The following ASTN1 variants were observed in gnomAD, a reference collection of about 807,000 sequenced individuals.
The protein encoded by ASTN1 is astrotactin-1.
Under a neutral mutation model 140.7 loss-of-function variants are expected in ASTN1, and 41 were observed. That is an observed-to-expected ratio of 0.29 (90% confidence interval 0.23 to 0.38). The LOEUF (loss-of-function observed/expected upper bound fraction) is 0.38. Ranked by LOEUF, ASTN1 falls within the 10% of genes least tolerant of loss-of-function variation. The pLI is 1.00. For missense variants in ASTN1, 1,479 were observed against 1,678.8 expected, an observed-to-expected ratio of 0.88 and a Z score of 2.08; for synonymous variants, 640 against 652.2, an observed-to-expected ratio of 0.98 and a Z score of 0.29.
chr1:177,061,120 C>A lies in ASTN1; in HGVS notation c.429G>T (p.Glu143Asp), dbSNP rs966805488. The A allele has an allele frequency of 1.2e-6, 2 of 1,611,184 alleles. No individual in the cohort carries two copies. The highest frequency in any genetic ancestry group is 1.7e-6 in the Non-Finnish European group (2 of 1,178,688). ...GGATCCTCAGCTCCTCTTCTGCCGA[C>A]TCATGTTGGGGTTCTTCAGTGGGGT... Reference protein sequence around the residue: ...GQDPTEEPQHESAEEELRILH... With the variant: ...GQDPTEEPQHDSAEEELRILH... The change falls in exon 2 of 23, where the codon GAG becomes GAT. Residue 143 changes from glutamate (E) to aspartate (D), a missense_variant. Glu to Asp is a conservative substitution (Grantham distance 45). Transcript: ENST00000361833.
At chr1:177,104,492 G>C (rs191891808) in intron 1 of ASTN1, among the ~76,000 whole-genome samples, 1 of 152,184 alleles carries the variant, frequency 6.6e-6, no homozygotes, top group Admixed American at 6.5e-5. Flanking sequence ...ATGTGTTTGT[G>C]CTGTGACGCA....
rs866062772 is a variant in ASTN1 at position 177,164,444 on chromosome 1, A to G, written c.233T>C (p.Met78Thr). Residue 78 changes from methionine (M) to threonine (T), a missense_variant, in exon 1 of 23, where the codon ATG becomes ACG. Met to Thr is a moderately conservative substitution (Grantham distance 81). Around this residue, in one of 3 missense-constraint regions of ASTN1, gnomAD observed 729 missense variants for 860.4 expected, o/e 0.85. Transcript: ENST00000361833. The part of the protein sequence containing the change: ...FSVRNDFPGE[M>T]VVVDDLENTE... ...GTTCTCCAGGTCGTCCACCACGACC[A>G]TTTCTCCCGGGAAGTCGTTGCGCAC... is the stretch of plus-strand genomic sequence containing the variant. 5.0e-6 allele frequency: 8 copies of G among 1,613,422 alleles called. No homozygotes were observed. The Middle Eastern group carries it at 1.3e-3, about 266-fold the overall frequency.
intron 1 of ASTN1, among the ~76,000 whole-genome samples, chr1:177,146,097 A>G (rs1481198808): frequency 6.6e-6 from 1 of 152,192 alleles, no homozygotes; most frequent in East Asian, 1.9e-4. Context: ...CATATATTTT[A>G]TTAAAAAAAA....
At chr1:176,926,834 G>A (rs1216111695) in intron 16 of ASTN1, among the ~76,000 whole-genome samples, 1 of 152,176 alleles carries the variant, frequency 6.6e-6, no homozygotes, top group Admixed American at 6.5e-5. Flanking sequence ...TTACAATGAA[G>A]CAAGTTAGCC....
chr1:176,907,067 A>G (rs1238372477), intron 16 of ASTN1, among the ~76,000 whole-genome samples: 1 of 152,160 alleles, frequency 6.6e-6, no homozygotes, highest in Non-Finnish European at 1.5e-5. Flanking sequence ...GAGCAGAGGG[A>G]ACATTCCAGA....
At chr1:177,151,404 T>C (rs539897645) in intron 1 of ASTN1, among the ~76,000 whole-genome samples, 5 of 151,574 alleles carry the variant, frequency 3.3e-5, no homozygotes, top group African/African-American at 1.2e-4. Flanking sequence ...AAGGGATGTG[T>C]GCAACTTTTG....
intron 20 of ASTN1, among the ~76,000 whole-genome samples, chr1:176,878,846 G>A (rs1028932009): frequency 6.6e-6 from 1 of 152,150 alleles, no homozygotes; most frequent in Admixed American, 6.5e-5. Flanking sequence ...AGTAGCAAGT[G>A]AGAAAGCCCC....
At chr1:176,916,690 T>C (rs1415011477) in intron 16 of ASTN1, among the ~76,000 whole-genome samples, 1 of 152,184 alleles carries the variant, frequency 6.6e-6, no homozygotes, top group Non-Finnish European at 1.5e-5. Context: ...AGCTCCCACC[T>C]GGTTTACTCC....
chr1:176,965,030 T>G, intron 9 of ASTN1, 133 bp downstream of exon 9: 1 of 808,022 alleles, frequency 1.2e-6, no homozygotes, highest in Non-Finnish European at 2.1e-6. Context: ...GGCAAACACT[T>G]TTGTTAGCAG....
At chr1:177,057,068 A>G (rs1677842584) in intron 2 of ASTN1, among the ~76,000 whole-genome samples, 1 of 152,248 alleles carries the variant, frequency 6.6e-6, no homozygotes, top group South Asian at 2.1e-4. Flanking sequence ...TGAATCATGC[A>G]AGGAGGTTAA....
chr1:176,864,711 G>T (rs893404892), intron 22 of ASTN1, among the ~76,000 whole-genome samples, 190 bp from the exon 23 acceptor site: 1 of 152,164 alleles, frequency 6.6e-6, no homozygotes, highest in Non-Finnish European at 1.5e-5. Context: ...ATGAATAAAT[G>T]AATGAATGAA....
chr1:177,157,357 C>G (rs1364036614), intron 1 of ASTN1, among the ~76,000 whole-genome samples: 1 of 151,982 alleles, frequency 6.6e-6, no homozygotes. Flanking sequence ...ACTCTGTTAC[C>G]CAGGCCAGAA....
chr1:176,914,510 G>A (rs1043482370), intron 16 of ASTN1, among the ~76,000 whole-genome samples: 2 of 152,158 alleles, frequency 1.3e-5, no homozygotes, highest in Non-Finnish European at 2.9e-5. Context: ...TAAAGAATAA[G>A]CATTAATTTA....
chr1:176,986,873 C>T (rs531892863), intron 8 of ASTN1, among the ~76,000 whole-genome samples: 13 of 152,228 alleles, frequency 8.5e-5, no homozygotes, highest in African/African-American at 3.1e-4. Context: ...ATGTTAAGTA[C>T]TATATAAGTA....
chr1:177,120,071 T>C (rs964233618), intron 1 of ASTN1, among the ~76,000 whole-genome samples: 4 of 152,200 alleles, frequency 2.6e-5, no homozygotes, highest in Admixed American at 1.3e-4. Flanking sequence ...CATGTTTATT[T>C]GTTCCACTCT....
At chr1:176,966,066 A>C in intron 8 of ASTN1, among the ~76,000 whole-genome samples, 1 of 152,194 alleles carries the variant, frequency 6.6e-6, no homozygotes, top group East Asian at 1.9e-4. Flanking sequence ...CTTAGCAAAG[A>C]CCAGATCTTG....
intron 18 of ASTN1, among the ~76,000 whole-genome samples, chr1:176,884,877 C>G (rs1311524026): frequency 6.6e-6 from 1 of 152,092 alleles, no homozygotes; most frequent in Non-Finnish European, 1.5e-5. Flanking sequence ...TGTGTGTATA[C>G]TGCTCATATA....
At chr1:176,872,465 T>C (rs529360043) in intron 21 of ASTN1, among the ~76,000 whole-genome samples, 63 of 152,244 alleles carry the variant, frequency 4.1e-4, no homozygotes, top group Admixed American at 3.0e-3. Context: ...GTTCCTCCTT[T>C]CACAGCCTCT....
intron 2 of ASTN1, among the ~76,000 whole-genome samples, chr1:177,058,597 A>G (rs982304868): frequency 2.0e-5 from 3 of 152,152 alleles, no homozygotes; most frequent in Admixed American, 2.0e-4. Flanking sequence ...AAAAAACACT[A>G]TAATGTAGGG....
Sources: gnomAD v4.1 joint callset for allele counts (sites outside exome capture counted in the v4.1 genomes callset) on GRCh38, gnomAD v4.1.1 for gene constraint, gnomAD v4.1.1 regional missense constraint, MANE v1.5 for transcripts, NCBI Gene and HGNC (gene_info 2026-07-23, HGNC 2026-07-21) for gene names.